PLCXD3: variants seen among roughly 807,000 people sequenced by gnomAD.
PLCXD3 encodes the protein PI-PLC X domain-containing protein 3.
PLCXD3 carries 19 observed loss-of-function variants against 25.5 expected under a neutral mutation model. The ratio of observed to expected loss-of-function variants is 0.75; its 90% CI spans 0.52 to 1.09. The LOEUF is 1.09. Among genes scored for constraint, PLCXD3 ranks in the 50% least tolerant of loss-of-function variants. The pLI is 0.00. For synonymous variants in PLCXD3, 174 were observed against 137.6 expected (o/e 1.26, Z -1.85); for missense variants, 411 against 388.1 (o/e 1.06, Z -0.50).
chr5:41,415,235 C>T (rs1326627921), intron 1 of PLCXD3, among the ~76,000 whole-genome samples: 1 of 152,164 alleles, frequency 6.6e-6, no homozygotes, highest in Non-Finnish European at 1.5e-5. Context: ...AGCCTCTCAA[C>T]ACCGAATCCC....
intron 1 of PLCXD3, among the ~76,000 whole-genome samples, chr5:41,482,972 T>G (rs998110235): frequency 6.6e-6 from 1 of 152,218 alleles, no homozygotes; most frequent in South Asian, 2.1e-4. Context: ...CTAGTTTCTA[T>G]TTCTTCAAAT....
intron 1 of PLCXD3, among the ~76,000 whole-genome samples, chr5:41,497,444 ATAT>A (rs1371795522): frequency 2.6e-5 from 4 of 151,918 alleles, no homozygotes; most frequent in Admixed American, 1.3e-4. Flanking sequence ...GAAGGGCATT[ATAT>A]GATGATATAA....
chr5:41,313,335 T>C lies in PLCXD3; in HGVS notation c.*282A>G. ...ATCAAGTAAACACTCATGAATTCTA[T>C]GTTACAAAGACTAATTTTGAAAAAC... On this transcript the variant is annotated 3_prime_UTR_variant, in exon 3 of 3. Transcript: ENST00000377801. 5.7e-6 allele frequency: 2 copies of C among 351,660 alleles called. No homozygotes were observed. Among genetic ancestry groups the C allele is most frequent in the Non-Finnish European group, 1.0e-5 (2 of 191,886 alleles). The allele number at this position is 351,660 out of a possible 1,614,324, so 21.8% of individuals were successfully genotyped here. A position where few individuals can be genotyped will look rare whatever the true frequency, so the allele number is the denominator to read the frequency against.
chr5:41,373,962 T>A (rs2150489832), intron 2 of PLCXD3, among the ~76,000 whole-genome samples: 1 of 152,156 alleles, frequency 6.6e-6, no homozygotes, highest in Non-Finnish European at 1.5e-5. Context: ...TTTTTGGAAA[T>A]CATTGATAGG....
intron 1 of PLCXD3, among the ~76,000 whole-genome samples, chr5:41,466,700 C>T (rs147898990): frequency 6.6e-6 from 1 of 152,006 alleles, no homozygotes; most frequent in African/African-American, 2.4e-5. Flanking sequence ...CCTCACTCCT[C>T]CCCACCAACT....
At chr5:41,497,048 G>GA (rs1033302685) in intron 1 of PLCXD3, among the ~76,000 whole-genome samples, 4 of 146,024 alleles carry the variant, frequency 2.7e-5, no homozygotes, top group South Asian at 2.1e-4. Context: ...TAGCCACGAA[G>GA]AAAAAATCTA....
chr5:41,443,926 T>C (rs897320580), intron 1 of PLCXD3, among the ~76,000 whole-genome samples: 3 of 152,222 alleles, frequency 2.0e-5, no homozygotes, highest in African/African-American at 4.8e-5. Context: ...GTAGATACTT[T>C]CCCTGAGCTA....
chr5:41,438,080 T>C (rs1704368419), intron 1 of PLCXD3, among the ~76,000 whole-genome samples: 1 of 152,190 alleles, frequency 6.6e-6, no homozygotes, highest in Non-Finnish European at 1.5e-5. Context: ...TGGTTTGTTC[T>C]GCCTTAAGTT....
chr5:41,445,689 A>G (rs1747478015), intron 1 of PLCXD3, among the ~76,000 whole-genome samples: 2 of 152,150 alleles, frequency 1.3e-5, no homozygotes, highest in Non-Finnish European at 2.9e-5. Context: ...ACAAGGTAAA[A>G]TTACAATTCA....
chr5:41,493,345 G>A (rs1051980503), intron 1 of PLCXD3, among the ~76,000 whole-genome samples: 2 of 152,162 alleles, frequency 1.3e-5, no homozygotes, highest in African/African-American at 2.4e-5. Flanking sequence ...GCCCCTACTG[G>A]GGGGTGCCTC....
At chr5:41,462,352 A>T (rs568029072) in intron 1 of PLCXD3, among the ~76,000 whole-genome samples, 1 of 152,130 alleles carries the variant, frequency 6.6e-6, no homozygotes, top group South Asian at 2.1e-4. Flanking sequence ...AGAAGTTTAA[A>T]CGTATTTGCA....
Position 41,312,153 on chromosome 5 carries a change from G to C in PLCXD3, c.*1464C>G, listed in dbSNP as rs987932029. 6.6e-6 allele frequency: 1 copy of C among 151,932 alleles called. No homozygotes were observed. Among genetic ancestry groups the C allele is most frequent in the Non-Finnish European group, 1.5e-5 (1 of 67,936 alleles). 9.4% of individuals were successfully genotyped at this position (151,932 alleles called of 1,614,324 possible). A position where few individuals can be genotyped will look rare whatever the true frequency, so the allele number is the denominator to read the frequency against. On this transcript the variant is annotated 3_prime_UTR_variant, in exon 3 of 3. Coordinates refer to ENST00000377801, the MANE Select transcript of PLCXD3 (RefSeq NM_001005473.3). ...ACAATGACACGAAGGAGGAAGTAACGCTCAAGCTGTGTCATTGTTCTTCCC... is the reference window on the plus strand; with the variant it reads ...ACAATGACACGAAGGAGGAAGTAACCCTCAAGCTGTGTCATTGTTCTTCCC...
intron 1 of PLCXD3, among the ~76,000 whole-genome samples, chr5:41,424,397 G>A (rs942734480): frequency 2.0e-5 from 3 of 152,018 alleles, no homozygotes; most frequent in Non-Finnish European, 2.9e-5. Context: ...AAAATTAGCC[G>A]GGTGTGGTGG....
At chr5:41,393,031 A>T (rs1745882883) in intron 1 of PLCXD3, among the ~76,000 whole-genome samples, 1 of 152,190 alleles carries the variant, frequency 6.6e-6, no homozygotes, top group Admixed American at 6.5e-5. Context: ...GGAGAAAAAT[A>T]AGAATAAAAA....
At chr5:41,456,457 T>C (rs1437020341) in intron 1 of PLCXD3, 1 of 631,936 alleles carries the variant, frequency 1.6e-6, no homozygotes, top group South Asian at 7.1e-5. Context: ...AAATTCAGGA[T>C]AGAAAAATAT....
chr5:41,390,596 G>C (rs1445974272), intron 1 of PLCXD3, among the ~76,000 whole-genome samples: 2 of 152,058 alleles, frequency 1.3e-5, no homozygotes, highest in Non-Finnish European at 2.9e-5. Context: ...TCTAATATCT[G>C]ACAAATAAAG....
At chr5:41,497,687 A>C (rs1748870431) in intron 1 of PLCXD3, among the ~76,000 whole-genome samples, 1 of 151,888 alleles carries the variant, frequency 6.6e-6, no homozygotes. Flanking sequence ...GAACCTAACA[A>C]ACATATACAG....
chr5:41,478,884 A>G (rs569150448), intron 1 of PLCXD3, among the ~76,000 whole-genome samples: 2 of 152,328 alleles, frequency 1.3e-5, no homozygotes, highest in African/African-American at 4.8e-5. Flanking sequence ...ATGGCAGAGC[A>G]GCAGAAAGGG....
chr5:41,498,237 C>G (rs957497691), intron 1 of PLCXD3, among the ~76,000 whole-genome samples: 2 of 151,264 alleles, frequency 1.3e-5, no homozygotes, highest in African/African-American at 4.8e-5. Flanking sequence ...TAGAAAAAAT[C>G]AACAACCCTA....
Sources: gnomAD v4.1 joint callset for allele counts (sites outside exome capture counted in the v4.1 genomes callset) on GRCh38, gnomAD v4.1.1 for gene constraint, MANE v1.5 for transcripts, NCBI Gene and HGNC (gene_info 2026-07-23, HGNC 2026-07-21) for gene names.